Variants in SLC13A4 observed in about 807,000 individuals in gnomAD.
SLC13A4 encodes solute carrier family 13 member 4.
SLC13A4 carries 28 observed loss-of-function variants against 72.7 expected under a neutral mutation model. That is an observed-to-expected ratio of 0.39 (90% CI 0.29 to 0.53). The LOEUF is 0.53. SLC13A4 is among the 20% of genes least tolerant of loss of function. The probability of loss-of-function intolerance (pLI) is 0.78; values close to 1 mark genes in which losing one functional copy is unlikely to be tolerated. For synonymous variants in SLC13A4, 312 were observed against 325.5 expected (o/e 0.96, Z 0.45); for missense variants, 653 against 788.0 (o/e 0.83, Z 2.05).
At chr7:135,725,718 C>T (rs1796640064) in intron 1 of SLC13A4, among the ~76,000 whole-genome samples, 1 of 152,138 alleles carries the variant, frequency 6.6e-6, no homozygotes, top group South Asian at 2.1e-4. Flanking sequence ...CACCTGTAAT[C>T]TCAACACTTT....
chr7:135,701,244 G>A (rs371582839), intron 7 of SLC13A4, among the ~76,000 whole-genome samples: 11 of 152,270 alleles, frequency 7.2e-5, no homozygotes, highest in East Asian at 5.8e-4. Context: ...ATCAACGGTC[G>A]TAAGTGACAG....
intron 2 of SLC13A4, among the ~76,000 whole-genome samples, chr7:135,715,380 AGTGT>A (rs58738715): frequency 1.3e-5 from 2 of 148,796 alleles, no homozygotes; most frequent in Non-Finnish European, 3.0e-5. Flanking sequence ...TGAGTGTGTG[AGTGT>A]GTATGTGTGA....
intron 13 of SLC13A4, among the ~76,000 whole-genome samples, chr7:135,688,389 T>C (rs1197529432): frequency 1.3e-5 from 2 of 152,012 alleles, no homozygotes; most frequent in African/African-American, 2.4e-5. Context: ...CCCAAGTAGC[T>C]GGGATTAAAA....
chr7:135,684,740 C>T (rs1293480005), intron 14 of SLC13A4, among the ~76,000 whole-genome samples: 1 of 150,980 alleles, frequency 6.6e-6, no homozygotes, highest in Non-Finnish European at 1.5e-5. Context: ...TTTAACTGCA[C>T]TCTGTTGCTC....
chr7:135,714,864 C>T (rs1028240486), intron 2 of SLC13A4, among the ~76,000 whole-genome samples: 1 of 152,256 alleles, frequency 6.6e-6, no homozygotes, highest in Admixed American at 6.5e-5. Context: ...CTGTACTCCT[C>T]TCCTGCCCCT....
At chr7:135,699,323 T>C (rs767785371) in intron 8 of SLC13A4, 41 bp downstream of exon 8, 27 of 1,548,110 alleles carry the variant, frequency 1.7e-5, no homozygotes, top group Non-Finnish European at 1.8e-5. Flanking sequence ...TGACACACAG[T>C]GGTGGTTAGT....
chr7:135,698,634 C>CT lies in SLC13A4; in HGVS notation c.899+729dup, dbSNP rs35575379. ...ACAGGTGTGAGCCACCGTGCTGGGACTTTTTTTTTTTTTTTTTTGAGATGG... is the reference window on the plus strand; with the variant it reads ...ACAGGTGTGAGCCACCGTGCTGGGACTTTTTTTTTTTTTTTTTTTGAGATGG... On this transcript the variant is annotated intron_variant, in intron 8 of 15. Coordinates refer to ENST00000682651, the MANE Select transcript of SLC13A4 (RefSeq NM_001318192.2). Among the ~76,000 whole-genome samples, 331 of 107,304 alleles carry CT rather than the reference C, an allele frequency of 3.1e-3. 1 individual carries two copies. Among genetic ancestry groups the CT allele is most frequent in the Admixed American group, 5.2e-3 (51 of 9,902 alleles). 70.4% of individuals were successfully genotyped at this position (107,304 alleles called of 152,430 possible). A position where few individuals can be genotyped will look rare whatever the true frequency, so the allele number is the denominator to read the frequency against.
chr7:135,724,002 C>G (rs546528710), intron 1 of SLC13A4, among the ~76,000 whole-genome samples: 1 of 152,168 alleles, frequency 6.6e-6, no homozygotes, highest in African/African-American at 2.4e-5. Context: ...GAGTTCAAAC[C>G]CACGTGTTCT....
chr7:135,709,032 C>T (rs192734238), intron 2 of SLC13A4, among the ~76,000 whole-genome samples: 119 of 148,990 alleles, frequency 8.0e-4, no homozygotes, highest in African/African-American at 2.5e-3. Flanking sequence ...TGGGTTCACG[C>T]CATTCTCCTG....
At chr7:135,720,221 A>C (rs994979038) in intron 2 of SLC13A4, among the ~76,000 whole-genome samples, 14 of 152,222 alleles carry the variant, frequency 9.2e-5, no homozygotes, top group African/African-American at 3.4e-4. Context: ...ACATAGTGCC[A>C]TGAAGCCACA....
At chr7:135,721,321 T>G in intron 2 of SLC13A4, 74 bp downstream of exon 2, 1 of 1,563,258 alleles carries the variant, frequency 6.4e-7, no homozygotes, top group Non-Finnish European at 8.8e-7. Flanking sequence ...TGGGTGAATC[T>G]CCCTTCATTG....
rs75041442 is a variant in SLC13A4 at position 135,717,481 on chromosome 7, G to A, written c.228+3914C>T. On this transcript the variant is annotated intron_variant, in intron 2 of 15. Coordinates refer to ENST00000682651, the MANE Select transcript of SLC13A4 (RefSeq NM_001318192.2). ...TAAATCCTCCACAATGCCAGAAAAC[G>A]AGGCATCACTTCATAGGGCATTCTG... Among the ~76,000 whole-genome samples, 1,414 of 152,240 alleles carry A rather than the reference G, an allele frequency of 9.3e-3. 26 individuals carry two copies. Among genetic ancestry groups the A allele is most frequent in the East Asian group, 0.068 (354 of 5,178 alleles).
chr7:135,717,887 C>T (rs3112360), intron 2 of SLC13A4, among the ~76,000 whole-genome samples: 45,856 of 151,588 alleles, frequency 0.3, 7,391 homozygotes, highest in African/African-American at 0.38. Flanking sequence ...CCAGTCTCAC[C>T]ACCTGGGCTG....
intron 2 of SLC13A4, among the ~76,000 whole-genome samples, chr7:135,716,685 T>C (rs1406390816): frequency 6.6e-6 from 1 of 152,228 alleles, no homozygotes; most frequent in African/African-American, 2.4e-5. Context: ...TCTGGAATCA[T>C]ACAATCTTGG....
At chr7:135,691,440 G>T in intron 12 of SLC13A4, 108 bp downstream of exon 12, 1 of 858,070 alleles carries the variant, frequency 1.2e-6, no homozygotes, top group East Asian at 4.4e-5. Flanking sequence ...GGCGGGGGCC[G>T]GGAGGGGGGT....
intron 2 of SLC13A4, among the ~76,000 whole-genome samples, chr7:135,719,694 C>T (rs1044308578): frequency 2.6e-5 from 4 of 152,036 alleles, no homozygotes; most frequent in Non-Finnish European, 5.9e-5. Flanking sequence ...TGGGGTTGTA[C>T]CCATCTCCAG....
chr7:135,710,547 C>T (rs773026236), intron 2 of SLC13A4, among the ~76,000 whole-genome samples: 2 of 143,052 alleles, frequency 1.4e-5, no homozygotes, highest in Non-Finnish European at 3.0e-5. Flanking sequence ...AACAAAGTTA[C>T]AAGTTATTGA....
At chr7:135,706,757 C>A (rs981799130) in intron 3 of SLC13A4, among the ~76,000 whole-genome samples, 2 of 152,148 alleles carry the variant, frequency 1.3e-5, no homozygotes, top group African/African-American at 4.8e-5. Context: ...TATCAGTGAC[C>A]CAATAGAGAT....
chr7:135,711,099 C>T (rs1190966765), intron 2 of SLC13A4, among the ~76,000 whole-genome samples: 1 of 152,178 alleles, frequency 6.6e-6, no homozygotes. Context: ...TTCTCACTGC[C>T]TGGTTACTTT....
Sources: gnomAD v4.1 joint callset for allele counts (sites outside exome capture counted in the v4.1 genomes callset) on GRCh38, gnomAD v4.1.1 for gene constraint, MANE v1.5 for transcripts, NCBI Gene and HGNC (gene_info 2026-07-23, HGNC 2026-07-21) for gene names.